The following NCOA2 variants were observed in gnomAD, a reference collection of about 807,000 sequenced individuals.
The protein encoded by NCOA2 is class E basic helix-loop-helix protein 75.
NCOA2 carries 21 observed loss-of-function variants against 145.1 expected under a neutral mutation model. The observed-to-expected ratio is 0.14, with a 90% CI of 0.10 to 0.21. The LOEUF is 0.21. Among genes scored for constraint, NCOA2 ranks in the 10% least tolerant of loss-of-function variants. The probability of loss-of-function intolerance (pLI) is 1.00; values close to 1 mark genes in which losing one functional copy is unlikely to be tolerated. For missense variants in NCOA2, 1,472 were observed against 1,837.6 expected (o/e 0.80, Z 3.64); for synonymous variants, 619 against 637.5 (o/e 0.97, Z 0.44).
At position 70,110,665 on chromosome 8, in the gene NCOA2, TG is replaced by T. The variant is rs1371656477; in HGVS notation, c.*2966del. Reference sequence around the variant, plus strand: ...GTTAAGCCCATATGAACTCCATTTTTGAACACAGATTAAAAATTGCATTATA... The same window carrying T: ...GTTAAGCCCATATGAACTCCATTTTTAACACAGATTAAAAATTGCATTATA... On this transcript the variant is annotated 3_prime_UTR_variant, in exon 23 of 23. Coordinates refer to ENST00000452400, the MANE Select transcript of NCOA2 (RefSeq NM_006540.4). The T allele has an allele frequency of 4.7e-6, 1 of 213,680 alleles. No individual in the cohort carries two copies. Among genetic ancestry groups the T allele is most frequent in the East Asian group, 7.0e-5 (1 of 14,224 alleles). The allele number at this position is 213,680 out of a possible 1,614,324, so 13.2% of individuals were successfully genotyped here.
intron 22 of NCOA2, among the ~76,000 whole-genome samples, chr8:70,115,294 A>T (rs1806970776): frequency 6.6e-6 from 1 of 152,066 alleles, no homozygotes; most frequent in South Asian, 2.1e-4. Flanking sequence ...ATTTATACCT[A>T]TTGCGTTTCT....
intron 1 of NCOA2, among the ~76,000 whole-genome samples, chr8:70,356,746 G>A (rs1375467391): frequency 6.6e-6 from 1 of 152,090 alleles, no homozygotes; most frequent in East Asian, 1.9e-4. Context: ...TTACAATACT[G>A]CCATAATGCT....
In NCOA2 at chr8:70,206,577, A is replaced by G. The variant is rs143049387; in HGVS notation, c.259+7326T>C. On this transcript the variant is annotated intron_variant, in intron 4 of 22. Transcript: ENST00000452400. ...CCCATTCCAAATATAGAGTATCTCT[A>G]GAATCTGGAGAGGATGGTAGATGAC... Among the ~76,000 whole-genome samples the G allele has an allele frequency of 1.9e-3, 282 of 152,322 alleles. 2 individuals carry two copies. Among genetic ancestry groups the G allele is most frequent in the African/African-American group, 6.2e-3 (257 of 41,568 alleles).
At chr8:70,355,583 CT>C (rs201629269) in intron 1 of NCOA2, among the ~76,000 whole-genome samples, 61 of 147,096 alleles carry the variant, frequency 4.1e-4, no homozygotes, top group East Asian at 2.8e-3. Context: ...TTGTTTTTTT[CT>C]TTTTTTTTTT....
At chr8:70,319,706 A>G (rs1323889752) in intron 1 of NCOA2, among the ~76,000 whole-genome samples, 1 of 152,176 alleles carries the variant, frequency 6.6e-6, no homozygotes. Context: ...TATTGTTAAA[A>G]ATGTTTTTGG....
chr8:70,440,751 G>A, the NCOA2 span, among the ~76,000 whole-genome samples: 2 of 147,608 alleles, frequency 1.4e-5, no homozygotes, highest in African/African-American at 5.0e-5. Flanking sequence ...AGAAAAGAAA[G>A]AGAGAAAGAG....
chr8:70,159,494 A>G lies in NCOA2; in HGVS notation c.1124+11T>C, dbSNP rs1585890973. On this transcript the variant is annotated intron_variant, in intron 10 of 22. Transcript: ENST00000452400. ...TGGAAATGGAAAATGACTTCTTAGA[A>G]CTAGGATTACCTGTGAAGCATATGT... The G allele has an allele frequency of 6.4e-7, 1 of 1,571,412 alleles. No individual in the cohort carries two copies. The highest frequency in any genetic ancestry group is 2.2e-5 in the East Asian group (1 of 44,460).
At chr8:70,126,767 G>T in intron 19 of NCOA2, 46 bp downstream of exon 19, 1 of 1,501,796 alleles carries the variant, frequency 6.7e-7, no homozygotes, top group African/African-American at 1.4e-5. Flanking sequence ...GGGGGACACT[G>T]GGGAGAAAGG....
chr8:70,112,845 C>G lies in NCOA2; in HGVS notation c.*787G>C, dbSNP rs891427226. On this transcript the variant is annotated 3_prime_UTR_variant, in exon 23 of 23. Coordinates refer to ENST00000452400, the MANE Select transcript of NCOA2 (RefSeq NM_006540.4). ...GAGATGCTGATTCAAGCTGTCTGAT[C>G]AAACTAAAAGGGACTTAATTTAGAA... is the stretch of plus-strand genomic sequence containing the variant. 1.5e-5 allele frequency: 3 copies of G among 204,900 alleles called. No homozygotes were observed. Among genetic ancestry groups the G allele is most frequent in the South Asian group, 1.9e-4 (1 of 5,274 alleles). 12.7% of individuals were successfully genotyped at this position (204,900 alleles called of 1,614,324 possible). A position where few individuals can be genotyped will look rare whatever the true frequency, so the allele number is the denominator to read the frequency against.
chr8:70,294,245 A>C (rs1826916323), intron 2 of NCOA2, among the ~76,000 whole-genome samples: 1 of 152,110 alleles, frequency 6.6e-6, no homozygotes, highest in Non-Finnish European at 1.5e-5. Context: ...CAAATTTTTC[A>C]AGATAAAGGT....
chr8:70,356,381 A>C lies in NCOA2; in HGVS notation c.-77+47319T>G, dbSNP rs186420617. Among the ~76,000 whole-genome samples the C allele has an allele frequency of 2.6e-5, 4 of 152,218 alleles. No homozygotes were observed. The East Asian group carries it at 7.7e-4, about 29-fold the overall frequency. On this transcript the variant is annotated intron_variant, in intron 1 of 22. Transcript: ENST00000452400. The stretch of plus-strand genomic sequence containing the variant: ...GTATCCCTGCAGCAAAAACAAGTAA[A>C]ATCACTCCACTAGTCATTCTACAGC...
At chr8:70,306,888 CATTT>C (rs1827937758) in intron 1 of NCOA2, among the ~76,000 whole-genome samples, 1 of 151,998 alleles carries the variant, frequency 6.6e-6, no homozygotes, top group Admixed American at 6.6e-5. Context: ...CTTAAAAATC[CATTT>C]TACAGATGAG....
chr8:70,363,766 AGAGTAAAATTT>A lies in NCOA2; in HGVS notation c.-77+39923_-77+39933del, dbSNP rs1409994245. Among the ~76,000 whole-genome samples the A allele has an allele frequency of 2.6e-5, 4 of 152,216 alleles. No individual in the cohort carries two copies. In the South Asian group the frequency reaches 6.2e-4, roughly 24 times the overall value. On this transcript the variant is annotated intron_variant, in intron 1 of 22. Transcript: ENST00000452400. Reference sequence around the variant, plus strand: ...GGGTTGGCACTGACCAAAAAGAAGCAGAGTAAAATTTCTGACTACATACACTTGTCTACATA... The same window carrying A: ...GGGTTGGCACTGACCAAAAAGAAGCACTGACTACATACACTTGTCTACATA...
In NCOA2 at chr8:70,166,560, T is replaced by C. The variant is rs765797835; in HGVS notation, c.730+6A>G. On this transcript the variant is annotated splice_donor_region_variant and intron_variant, in intron 7 of 22. Coordinates refer to ENST00000452400, the MANE Select transcript of NCOA2 (RefSeq NM_006540.4). ...CACACAGAACACCCTAGGGATTCTG[T>C]CCCACCTTCTCCTTCTTCTTTGATG... The C allele has an allele frequency of 3.7e-6, 6 of 1,613,788 alleles. No individual in the cohort carries two copies. Among genetic ancestry groups the C allele is most frequent in the Non-Finnish European group, 5.1e-6 (6 of 1,179,792 alleles).
chr8:70,261,024 C>T (rs1297350160), intron 2 of NCOA2, among the ~76,000 whole-genome samples: 1 of 152,178 alleles, frequency 6.6e-6, no homozygotes, highest in African/African-American at 2.4e-5. Flanking sequence ...CTAGTTCAAC[C>T]ATTGTGGAAG....
chr8:70,447,677 G>GTTTTTTTTTTTTTTTT, the NCOA2 span, among the ~76,000 whole-genome samples: 1 of 94,658 alleles, frequency 1.1e-5, no homozygotes, highest in Non-Finnish European at 2.0e-5. Context: ...TTAGGTCTTT[G>GTTTTTTTTTTTTTTTT]TTTTCTTTTT....
At chr8:70,273,440 A>G (rs1038604903) in intron 2 of NCOA2, 6 of 653,442 alleles carry the variant, frequency 9.2e-6, no homozygotes, top group Middle Eastern at 5.0e-4. Context: ...CATTGGTGGA[A>G]CTGCTCACAG....
At chr8:70,420,922 C>T in the NCOA2 span, among the ~76,000 whole-genome samples, 1 of 152,048 alleles carries the variant, frequency 6.6e-6, no homozygotes. Flanking sequence ...GGATTACAGG[C>T]GTGAGCCACT....
the NCOA2 span, among the ~76,000 whole-genome samples, chr8:70,456,057 C>T: frequency 6.6e-6 from 1 of 151,112 alleles, no homozygotes; most frequent in South Asian, 2.1e-4. Flanking sequence ...ACTAGAGTAA[C>T]CATTGTAACA....
Sources: allele counts gnomAD v4.1 joint callset (sites outside exome capture counted in the v4.1 genomes callset), GRCh38; gene constraint gnomAD v4.1.1; transcripts MANE v1.5; gene names NCBI Gene and HGNC (gene_info 2026-07-23, HGNC 2026-07-21).